Variants in TAAR9 observed in about 807,000 individuals in gnomAD.
TAAR9 encodes trace amine-associated receptor 9.
For missense variants in TAAR9, 453 were observed against 409.4 expected (o/e 1.11, Z -0.92); for synonymous variants, 162 against 152.6 (o/e 1.06, Z -0.45).
chr6:132,539,080 T>C (rs958519728), exon 1 of TAAR9: 21 of 1,537,284 alleles, frequency 1.4e-5, no homozygotes, highest in Non-Finnish European at 1.7e-5. Flanking sequence ...GGAATTGCTA[T>C]GGCAGCATTT....
At position 132,538,675 on chromosome 6, in the gene TAAR9, A is replaced by G. The variant is rs1431269586; in HGVS notation, c.386A>G (p.Asp129Gly). The G allele has an allele frequency of 3.0e-5, 48 of 1,611,554 alleles. No individual in the cohort carries two copies. The East Asian group carries it at 1.1e-3, about 36-fold the overall frequency. The change falls in exon 1 of 1, where the codon GAT becomes GGT. Residue 129 changes from aspartate (D) to glycine (G), a missense_variant. Coordinates refer to ENST00000434551, the Ensembl canonical transcript of TAAR9. ...TTTCATTTATGCTGTATCTCTGTTG[A>G]TAGATACATTGCTGTTACTGATCCT...
exon 1 of TAAR9, chr6:132,538,677 A>C: frequency 1.9e-6 from 3 of 1,611,710 alleles, no homozygotes; most frequent in Non-Finnish European, 2.5e-6. Flanking sequence ...CTCTGTTGAT[A>C]GATACATTGC....
chr6:132,538,776 T>C (rs753034948), exon 1 of TAAR9: 4 of 1,613,946 alleles, frequency 2.5e-6, no homozygotes, highest in Non-Finnish European at 3.4e-6. Context: ...TTCTGTCACA[T>C]ACAGCTTTTC....
chr6:132,539,027 G>A, exon 1 of TAAR9: 1 of 1,529,132 alleles, frequency 6.5e-7, no homozygotes, highest in Non-Finnish European at 8.7e-7. Context: ...AGAGTTACAA[G>A]GAAAGAGTAG....
At chr6:132,538,507 C>T (rs1582704357) in exon 1 of TAAR9, 1 of 1,612,044 alleles carries the variant, frequency 6.2e-7, no homozygotes, top group Non-Finnish European at 8.5e-7. Flanking sequence ...CTGATTGCGT[C>T]GCTGGCCTGT....
chr6:132,538,397 C>T (rs1554255087), exon 1 of TAAR9: 32 of 1,613,668 alleles, frequency 2.0e-5, no homozygotes, highest in Non-Finnish European at 2.1e-5. Context: ...CTATCCTCTA[C>T]GCCGTCCTTG....
exon 1 of TAAR9, chr6:132,539,258 A>G (rs1776262028): frequency 6.2e-7 from 1 of 1,613,146 alleles, no homozygotes; most frequent in Admixed American, 1.7e-5. Context: ...AGGCAATAAA[A>G]CTTATTGTAA....
chr6:132,538,371 T>A (rs780853575), exon 1 of TAAR9: 1 of 1,613,704 alleles, frequency 6.2e-7, no homozygotes, highest in East Asian at 2.2e-5. Context: ...AACTCCTTAC[T>A]CGCCAGGTCC....
exon 1 of TAAR9, chr6:132,539,272 G>T: frequency 1.2e-6 from 2 of 1,612,832 alleles, no homozygotes; most frequent in South Asian, 2.2e-5. Context: ...ATTGTAAGCG[G>T]CAAGGTCTTA....
At chr6:132,538,550 C>T in exon 1 of TAAR9, 1 of 1,605,058 alleles carries the variant, frequency 6.2e-7, no homozygotes, top group Non-Finnish European at 8.5e-7. Flanking sequence ...CTGTGATGCC[C>T]TTCAGCACAG....
Position 132,538,615 on chromosome 6 carries a change from CAT to C in TAAR9, c.327_328del (p.Cys110PhefsTer2). The C allele has an allele frequency of 1.9e-6, 3 of 1,588,888 alleles. No homozygotes were observed. The highest frequency in any genetic ancestry group is 2.6e-6 in the Non-Finnish European group (3 of 1,167,556). On this transcript the variant is annotated frameshift_variant, in exon 1 of 1. Transcript: ENST00000434551. LOFTEE classifies it low-confidence loss of function (END_TRUNC). ...GGGGACAGTTACTGTAAATTCCATA[CAT>C]GTTTTGACACATCCTTCTGTTTTGC...
chr6:132,538,400 C>T lies in TAAR9; in HGVS notation c.111C>T (p.Ala37=), dbSNP rs374883560. The change falls in exon 1 of 1, where the codon GCC becomes GCT. Residue 37 remains alanine (A), a synonymous_variant. Coordinates refer to ENST00000434551, the Ensembl canonical transcript of TAAR9. The stretch of plus-strand genomic sequence containing the variant: ...CAGGTCCTCGATCTATCCTCTACGC[C>T]GTCCTTGGTTTTGGGGCTGTGCTGG... 451 of 1,613,740 alleles carry T rather than the reference C, an allele frequency of 2.8e-4. No homozygotes were observed. Among genetic ancestry groups the T allele is most frequent in the Non-Finnish European group, 3.4e-4 (399 of 1,179,806 alleles).
chr6:132,538,822 A>T, exon 1 of TAAR9: 1 of 1,613,892 alleles, frequency 6.2e-7, no homozygotes, highest in Non-Finnish European at 8.5e-7. Flanking sequence ...GAAGGAATTG[A>T]GGAATTAGTA....
exon 1 of TAAR9, chr6:132,539,203 C>A: frequency 6.2e-7 from 1 of 1,606,270 alleles, no homozygotes; most frequent in Non-Finnish European, 8.5e-7. Context: ...TATAATTCAG[C>A]TATGAACCCC....
At chr6:132,538,763 C>G in exon 1 of TAAR9, 1 of 1,613,816 alleles carries the variant, frequency 6.2e-7, no homozygotes, top group Non-Finnish European at 8.5e-7. Flanking sequence ...TTTCCTGGTT[C>G]TTTTCTGTCA....
At chr6:132,538,802 A>G in exon 1 of TAAR9, 1 of 1,613,710 alleles carries the variant, frequency 6.2e-7, no homozygotes, top group Non-Finnish European at 8.5e-7. Flanking sequence ...TTTACACGGG[A>G]GCCAACGAAG....
chr6:132,539,187 G>A (rs1359221348), exon 1 of TAAR9: 2 of 1,596,576 alleles, frequency 1.3e-6, no homozygotes, highest in Admixed American at 1.8e-5. Context: ...AGTTTGGTGT[G>A]TTTATTATAA....
chr6:132,538,373 G>C, exon 1 of TAAR9: 1 of 1,613,544 alleles, frequency 6.2e-7, no homozygotes, highest in Non-Finnish European at 8.5e-7. Context: ...CTCCTTACTC[G>C]CCAGGTCCTC....
At chr6:132,538,656 T>G in exon 1 of TAAR9, 1 of 1,604,198 alleles carries the variant, frequency 6.2e-7, no homozygotes, top group Non-Finnish European at 8.5e-7. Flanking sequence ...TTTATTTCAT[T>G]TATGCTGTAT....
Sources: gnomAD v4.1 joint callset for allele counts on GRCh38, gnomAD v4.1.1 for gene constraint, MANE v1.5 for transcripts, NCBI Gene and HGNC (gene_info 2026-07-23, HGNC 2026-07-21) for gene names.